RPS6KA5: variants seen among roughly 807,000 people sequenced by gnomAD.
RPS6KA5 encodes the protein ribosomal protein S6 kinase A5.
A neutral mutation model predicts 85.5 loss-of-function variants in RPS6KA5; 27 were observed. The ratio of observed to expected loss-of-function variants is 0.32; its 90% confidence interval spans 0.23 to 0.44. RPS6KA5 has a LOEUF of 0.44. Ranked by LOEUF, RPS6KA5 falls within the 20% of genes least tolerant of loss-of-function variation. RPS6KA5 has a pLI of 1.00. For missense variants in RPS6KA5, 811 were observed against 980.9 expected, an observed-to-expected ratio of 0.83 and a Z score of 2.31; for synonymous variants, 334 against 348.2, an observed-to-expected ratio of 0.96 and a Z score of 0.46.
intron 3 of RPS6KA5, among the ~76,000 whole-genome samples, chr14:90,964,773 G>T (rs2038972984): frequency 6.6e-6 from 1 of 151,852 alleles, no homozygotes; most frequent in Admixed American, 6.6e-5. Flanking sequence ...AATTTAGCCA[G>T]GAGTGGTGGT....
intron 3 of RPS6KA5, among the ~76,000 whole-genome samples, chr14:90,950,105 A>G (rs961622958): frequency 6.6e-6 from 1 of 152,160 alleles, no homozygotes; most frequent in Admixed American, 6.5e-5. Flanking sequence ...GTCTTCTTTC[A>G]TTCTTTCAGC....
intron 1 of RPS6KA5, among the ~76,000 whole-genome samples, chr14:91,005,482 G>A (rs1394812290): frequency 1.3e-5 from 2 of 152,148 alleles, no homozygotes; most frequent in Non-Finnish European, 2.9e-5. Flanking sequence ...ACATATGAGA[G>A]CAAATCAGTA....
At chr14:90,909,482 ACTG>A (rs1041654426) in intron 7 of RPS6KA5, among the ~76,000 whole-genome samples, 6 of 152,296 alleles carry the variant, frequency 3.9e-5, no homozygotes, top group African/African-American at 1.4e-4. Flanking sequence ...CTATCAAAAG[ACTG>A]CTATTTTTAT....
At chr14:91,052,668 CA>C (rs562901431) in intron 1 of RPS6KA5, among the ~76,000 whole-genome samples, 6,070 of 97,686 alleles carry the variant, frequency 0.062, 281 homozygotes, top group African/African-American at 0.15. Context: ...ACTAAAAGTA[CA>C]AAAAAAAAAA....
chr14:90,913,879 A>C (rs2035964568), intron 7 of RPS6KA5, among the ~76,000 whole-genome samples: 1 of 152,218 alleles, frequency 6.6e-6, no homozygotes, highest in Admixed American at 6.5e-5. Flanking sequence ...GGAATTCCAA[A>C]GAGAAAGCTA....
intron 1 of RPS6KA5, among the ~76,000 whole-genome samples, chr14:91,051,630 G>C (rs1304909985): frequency 7.3e-5 from 1 of 13,616 alleles, no homozygotes; most frequent in African/African-American, 2.2e-4. Context: ...TGGGATTACA[G>C]GTGCCCGCCA....
chr14:90,981,093 C>T (rs557709315), intron 2 of RPS6KA5, among the ~76,000 whole-genome samples: 21 of 152,338 alleles, frequency 1.4e-4, no homozygotes, highest in African/African-American at 5.1e-4. Flanking sequence ...ATTGCTTGAA[C>T]CTGGGAGATG....
intron 3 of RPS6KA5, among the ~76,000 whole-genome samples, chr14:90,974,063 T>C (rs2039452679): frequency 2.6e-5 from 2 of 78,338 alleles, no homozygotes; most frequent in East Asian, 7.3e-4. Flanking sequence ...AAAAAAATAG[T>C]GTCCAAACAC....
intron 10 of RPS6KA5, 51 bp from the exon 11 acceptor site, chr14:90,900,292 A>C (rs767358962): frequency 1.5e-6 from 2 of 1,334,880 alleles, no homozygotes; most frequent in South Asian, 3.4e-5. Flanking sequence ...GTAATACACA[A>C]AGGATCAATA....
chr14:90,983,801 C>CTCTCTCTCTCTG (rs1231501897), intron 2 of RPS6KA5, among the ~76,000 whole-genome samples: 31 of 121,804 alleles, frequency 2.5e-4, no homozygotes, highest in Non-Finnish European at 4.9e-4. Context: ...CTCTCTCTCT[C>CTCTCTCTCTCTG]TCTCTCTCTC....
At chr14:90,985,397 C>T (rs2040014989) in intron 2 of RPS6KA5, among the ~76,000 whole-genome samples, 1 of 152,192 alleles carries the variant, frequency 6.6e-6, no homozygotes. Context: ...GGGGCAACCA[C>T]GAGCCAGGAA....
rs1024228102 is a variant in RPS6KA5 at position 90,923,059 on chromosome 14, T to A, written c.702+54A>T. On this transcript the variant is annotated intron_variant, in intron 6 of 16. Coordinates refer to ENST00000614987, the MANE Select transcript of RPS6KA5 (RefSeq NM_004755.4). ...GATGACCTAAGTTGTTAACTAGGAT[T>A]CTTATAGTACATTTTATAGAAATAC... The A allele has an allele frequency of 9.8e-6, 13 of 1,327,422 alleles. No individual in the cohort carries two copies. The African/African-American group carries it at 1.8e-4, about 18-fold the overall frequency. 82.2% of individuals were successfully genotyped at this position (1,327,422 alleles called of 1,614,324 possible).
At chr14:90,988,443 T>C (rs959205631) in intron 2 of RPS6KA5, among the ~76,000 whole-genome samples, 12 of 152,232 alleles carry the variant, frequency 7.9e-5, no homozygotes, top group African/African-American at 2.9e-4. Context: ...ACTCATATCA[T>C]GTATATCTTA....
intron 1 of RPS6KA5, among the ~76,000 whole-genome samples, chr14:91,057,733 T>C (rs900119471): frequency 6.6e-6 from 1 of 152,214 alleles, no homozygotes; most frequent in Non-Finnish European, 1.5e-5. Context: ...AAGATACTAT[T>C]ATGGAATGAT....
At chr14:91,031,277 C>T (rs554935667) in intron 1 of RPS6KA5, among the ~76,000 whole-genome samples, 2 of 152,090 alleles carry the variant, frequency 1.3e-5, no homozygotes, top group Non-Finnish European at 2.9e-5. Flanking sequence ...AAACCTGTCA[C>T]AAATATGAGA....
At position 91,034,376 on chromosome 14, in the gene RPS6KA5, G is replaced by C. The variant is rs573365606; in HGVS notation, c.103+25956C>G. Among the ~76,000 whole-genome samples the C allele has an allele frequency of 3.9e-5, 6 of 151,942 alleles. No homozygotes were observed. In the South Asian group the frequency reaches 8.3e-4, roughly 21 times the overall value. On this transcript the variant is annotated intron_variant, in intron 1 of 16. Transcript: ENST00000614987. Reference sequence around the variant, plus strand: ...TATTCATAGCTGTCTGAGGTGATGAGAGGTGAAGCCAGCTGGACTTCCTGG... The same window carrying C: ...TATTCATAGCTGTCTGAGGTGATGACAGGTGAAGCCAGCTGGACTTCCTGG...
At chr14:90,892,359 G>A (rs942637525) in intron 13 of RPS6KA5, among the ~76,000 whole-genome samples, 4 of 152,118 alleles carry the variant, frequency 2.6e-5, no homozygotes, top group African/African-American at 9.7e-5. Flanking sequence ...TTAATTTGGT[G>A]ACTTTAATCC....
chr14:91,027,899 GA>G (rs2042044100), intron 1 of RPS6KA5, among the ~76,000 whole-genome samples: 1 of 152,166 alleles, frequency 6.6e-6, no homozygotes, highest in African/African-American at 2.4e-5. Flanking sequence ...GTCAGATGGA[GA>G]GCCAGAATCT....
At position 90,864,824 on chromosome 14, in the gene RPS6KA5, A is replaced by T. The variant is rs2032731907; in HGVS notation, c.*7250T>A. ...GAAAATACACCTTAAAATCTCAGTG[A>T]AATACAAAATCACCAGAATGGTTAA... On this transcript the variant is annotated 3_prime_UTR_variant, in exon 17 of 17. Transcript: ENST00000614987. 3 of 152,254 alleles carry T rather than the reference A, an allele frequency of 2.0e-5. No homozygotes were observed. The highest frequency in any genetic ancestry group is 2.9e-5 in the Non-Finnish European group (2 of 68,052). The allele number at this position is 152,254 out of a possible 1,614,324, so 9.4% of individuals were successfully genotyped here.
Sources: allele counts gnomAD v4.1 joint callset (sites outside exome capture counted in the v4.1 genomes callset), GRCh38; gene constraint gnomAD v4.1.1; transcripts MANE v1.5; gene names NCBI Gene and HGNC (gene_info 2026-07-23, HGNC 2026-07-21).